Variants in PCDHGB1 observed in about 807,000 individuals in gnomAD.
PCDHGB1 encodes the protein protocadherin gamma subfamily B, 1.
In PCDHGB1, 34 loss-of-function variants were observed where a neutral mutation model predicts 56.6. The ratio of observed to expected loss-of-function variants is 0.60; its 90% CI spans 0.46 to 0.80. PCDHGB1 has a LOEUF of 0.80. PCDHGB1 is among the 30% of genes least tolerant of loss of function. The pLI is 0.00. For missense variants in PCDHGB1, 1,278 were observed against 1,204.6 expected (o/e 1.06, Z -0.90); for synonymous variants, 561 against 505.9 (o/e 1.11, Z -1.46).
At chr5:141,455,186 C>T (rs1436215310) in intron 1 of PCDHGB1, among the ~76,000 whole-genome samples, 3 of 151,542 alleles carry the variant, frequency 2.0e-5, no homozygotes, top group Non-Finnish European at 2.9e-5. Context: ...TTTTATTTCT[C>T]TACAAATTTA....
At chr5:141,373,898 A>AT (rs1769937255) in intron 1 of PCDHGB1, 1 of 541,162 alleles carries the variant, frequency 1.8e-6, no homozygotes, top group Non-Finnish European at 3.1e-6. Flanking sequence ...CTCAAGTTAC[A>AT]TCCTCCAACA....
intron 1 of PCDHGB1, chr5:141,376,559 C>A (rs758448085): frequency 2.3e-5 from 37 of 1,609,380 alleles, no homozygotes; most frequent in Admixed American, 6.7e-5. Flanking sequence ...TCCCGCAACC[C>A]AACTAATCAG....
intron 1 of PCDHGB1, among the ~76,000 whole-genome samples, chr5:141,401,668 A>G (rs2094180828): frequency 6.6e-6 from 1 of 152,254 alleles, no homozygotes; most frequent in Non-Finnish European, 1.5e-5. Flanking sequence ...TTTTCTCAAC[A>G]TCCTTGTAGG....
chr5:141,398,888 A>G (rs2093720509), intron 1 of PCDHGB1: 2 of 1,613,968 alleles, frequency 1.2e-6, no homozygotes, highest in East Asian at 4.5e-5. Context: ...CTTCGGGAAA[A>G]CGTGCCACCA....
rs182132552 is a variant in PCDHGB1 at position 141,435,146 on chromosome 5, T to A, written c.2410-59661T>A. Among the ~76,000 whole-genome samples the A allele has an allele frequency of 4.6e-3, 696 of 152,288 alleles. 5 individuals carry two copies. Among genetic ancestry groups the A allele is most frequent in the African/African-American group, 0.016 (677 of 41,554 alleles). ...ATGGAAAATATAAATAAAATTGTGA[T>A]AAACTTTTGTAAATAGAGTGGCTTT... On this transcript the variant is annotated intron_variant, in intron 1 of 3. Transcript: ENST00000523390.
intron 1 of PCDHGB1, chr5:141,372,840 A>G (rs373804282): frequency 2.6e-6 from 4 of 1,521,774 alleles, no homozygotes; most frequent in Non-Finnish European, 3.5e-6. Context: ...CCTTCCATAA[A>G]TATAATTGGG....
chr5:141,421,395 G>A (rs2096569109), intron 1 of PCDHGB1: 1 of 1,613,950 alleles, frequency 6.2e-7, no homozygotes, highest in Admixed American at 1.7e-5. Flanking sequence ...TGGGGCTGGA[G>A]CCCCGGGAGC....
chr5:141,365,956 T>C (rs757991507), intron 1 of PCDHGB1: 1 of 1,614,208 alleles, frequency 6.2e-7, no homozygotes, highest in South Asian at 1.1e-5. Flanking sequence ...ACCCTCCACT[T>C]AGCAGCAACG....
intron 1 of PCDHGB1, chr5:141,374,159 G>C: frequency 6.2e-7 from 1 of 1,612,288 alleles, no homozygotes. Context: ...GCTGTGGGGG[G>C]CCGCGGCAGC....
In PCDHGB1 at chr5:141,422,440, T is replaced by G. The variant is rs1028472076; in HGVS notation, c.2409+69771T>G. 11 of 1,610,116 alleles carry G rather than the reference T, an allele frequency of 6.8e-6. No homozygotes were observed. The highest frequency in any genetic ancestry group is 2.7e-5 in the African/African-American group (2 of 74,560). On this transcript the variant is annotated intron_variant, in intron 1 of 3. Transcript: ENST00000523390. ...AAAGACTTATGGAAATTATTACAAATTGATAACAAGCAGAGTGCTGGACAG... is the reference window on the plus strand; with the variant it reads ...AAAGACTTATGGAAATTATTACAAAGTGATAACAAGCAGAGTGCTGGACAG...
At chr5:141,453,001 G>C (rs1225973632) in intron 1 of PCDHGB1, among the ~76,000 whole-genome samples, 3 of 152,168 alleles carry the variant, frequency 2.0e-5, no homozygotes, top group African/African-American at 7.2e-5. Flanking sequence ...AAAGTTACCT[G>C]TAGTATAGTT....
chr5:141,390,183 T>C (rs532412915), intron 1 of PCDHGB1: 2 of 1,614,034 alleles, frequency 1.2e-6, no homozygotes, highest in Admixed American at 1.7e-5. Context: ...TTTCCTAAAA[T>C]GTAGTGAGCA....
intron 1 of PCDHGB1, chr5:141,372,132 C>T (rs1427906053): frequency 3.7e-6 from 6 of 1,613,718 alleles, no homozygotes; most frequent in Non-Finnish European, 5.1e-6. Context: ...TATGGTGCCG[C>T]GCTCTGCAGA....
At position 141,477,460 on chromosome 5, in the gene PCDHGB1, C is replaced by T; in HGVS notation, c.2410-17347C>T. 6.2e-7 allele frequency: 1 copy of T among 1,614,132 alleles called. No individual in the cohort carries two copies. Among genetic ancestry groups the T allele is most frequent in the Non-Finnish European group, 8.5e-7 (1 of 1,180,020 alleles). On this transcript the variant is annotated intron_variant, in intron 1 of 3. Transcript: ENST00000523390. The surrounding 1 kb of genome is among the most constrained non-coding windows in gnomAD (Gnocchi z 4.9). ...TTACAATAGTGCGTGTTCAAGTGTC[C>T]GACATCAATGACAACCCTCCACAAT...
At chr5:141,423,424 T>C in intron 1 of PCDHGB1, 1 of 1,614,004 alleles carries the variant, frequency 6.2e-7, no homozygotes, top group Non-Finnish European at 8.5e-7. Flanking sequence ...TGAAGGCGGG[T>C]TGGCAGGTAT....
chr5:141,432,586 C>G lies in PCDHGB1; in HGVS notation c.2410-62221C>G. 6.2e-7 allele frequency: 1 copy of G among 1,613,852 alleles called. No homozygotes were observed. The highest frequency in any genetic ancestry group is 8.5e-7 in the Non-Finnish European group (1 of 1,179,972). On this transcript the variant is annotated intron_variant, in intron 1 of 3. Transcript: ENST00000523390. The surrounding 1 kb of genome is among the most constrained non-coding windows in gnomAD (Gnocchi z 6.0). ...ACGCCTGGCTGTCCTACCGTCTGCT[C>G]AAGGCCAGCGAGCCGGGACTCTTCT...
chr5:141,419,715 TG>T (rs754309862), intron 1 of PCDHGB1: 1 of 1,613,288 alleles, frequency 6.2e-7, no homozygotes, highest in South Asian at 1.1e-5. Flanking sequence ...CTCTTCAGCC[TG>T]GGGCTGCGAA....
At chr5:141,441,930 G>T in intron 1 of PCDHGB1, 1 of 347,232 alleles carries the variant, frequency 2.9e-6, no homozygotes, top group Non-Finnish European at 5.5e-6. Flanking sequence ...ATGCGTGGCT[G>T]TCCTACCACG....
intron 1 of PCDHGB1, among the ~76,000 whole-genome samples, chr5:141,474,770 G>A (rs1221980722): frequency 6.6e-6 from 1 of 152,204 alleles, no homozygotes; most frequent in African/African-American, 2.4e-5. Context: ...GAAATAGTAT[G>A]AGGCTCTAAC....
Sources: allele counts gnomAD v4.1 joint callset (sites outside exome capture counted in the v4.1 genomes callset), GRCh38; gene constraint gnomAD v4.1.1; non-coding constraint Gnocchi (gnomAD v3.1); transcripts MANE v1.5; gene names NCBI Gene and HGNC (gene_info 2026-07-23, HGNC 2026-07-21).